The following TBL1X variants were observed in gnomAD, a reference collection of about 807,000 sequenced individuals.
TBL1X encodes the protein transducin beta like 1 X-linked, also known as F-box-like/WD repeat-containing protein TBL1X.
Under a neutral mutation model 50.7 loss-of-function variants are expected in TBL1X, and 10 were observed. The ratio of observed to expected loss-of-function variants is 0.20; its 90% CI spans 0.12 to 0.33. The LOEUF (loss-of-function observed/expected upper bound fraction) is 0.33, where lower values mean the gene tolerates loss of function less well. Ranked by LOEUF, TBL1X falls within the 10% of genes least tolerant of loss-of-function variation. The probability of loss-of-function intolerance (pLI) is 1.00; values close to 1 mark genes in which losing one functional copy is unlikely to be tolerated. For synonymous variants in TBL1X, 190 were observed against 214.7 expected, an observed-to-expected ratio of 0.88 and a Z score of 1.01; for missense variants, 340 against 504.4, an observed-to-expected ratio of 0.67 and a Z score of 3.12.
chrX:9,705,191 TA>T (rs1264488142), intron 13 of TBL1X, 77 bp downstream of exon 13: 17 of 1,186,048 alleles, frequency 1.4e-5, no homozygotes, highest in Non-Finnish European at 1.9e-5. Context: ...TGCCTAGAAT[TA>T]AAAGCTACTG....
intron 5 of TBL1X, among the ~76,000 whole-genome samples, chrX:9,661,979 C>T (rs1274462833): frequency 8.1e-5 from 9 of 111,604 alleles, no homozygotes. Flanking sequence ...GCCAACCAGT[C>T]TGGATTCAAG....
At chrX:9,643,083 G>T (rs747538869) in intron 3 of TBL1X, among the ~76,000 whole-genome samples, 1 of 111,991 alleles carries the variant, frequency 8.9e-6, no homozygotes, top group East Asian at 2.8e-4. Flanking sequence ...GAATTTGAGG[G>T]CCTTTCTGCC....
intron 1 of TBL1X, among the ~76,000 whole-genome samples, chrX:9,493,415 A>G (rs1406766148): frequency 9.0e-6 from 1 of 111,717 alleles, no homozygotes; most frequent in Non-Finnish European, 1.9e-5. Context: ...GGGGTTATGT[A>G]AGCCCAATTT....
At chrX:9,690,483 G>C (rs1268544588) in intron 7 of TBL1X, among the ~76,000 whole-genome samples, 1 of 111,265 alleles carries the variant, frequency 9.0e-6, no homozygotes, top group Non-Finnish European at 1.9e-5. Flanking sequence ...AAGGACACCA[G>C]TCCCACTGGG....
At chrX:9,695,188 A>G (rs1206320214) in intron 11 of TBL1X, among the ~76,000 whole-genome samples, 2 of 110,469 alleles carry the variant, frequency 1.8e-5, no homozygotes, top group African/African-American at 3.3e-5. Flanking sequence ...CTTTCATGCT[A>G]CAATGGCAGA....
intron 2 of TBL1X, among the ~76,000 whole-genome samples, chrX:9,537,208 G>A (rs1025895116): frequency 3.7e-4 from 41 of 111,291 alleles, no homozygotes; most frequent in African/African-American, 1.3e-3. Context: ...AGTGATCTAC[G>A]TGCATTAGCA....
chrX:9,715,870 T>C (rs1277908552), intron 17 of TBL1X, among the ~76,000 whole-genome samples: 1 of 111,903 alleles, frequency 8.9e-6, no homozygotes, highest in Non-Finnish European at 1.9e-5. Flanking sequence ...AGGGTCAGAG[T>C]AGTCCCCAAA....
intron 2 of TBL1X, among the ~76,000 whole-genome samples, chrX:9,608,204 C>T (rs35465421): frequency 0.043 from 4,729 of 110,833 alleles, 97 homozygotes; most frequent in Non-Finnish European, 0.065. Context: ...CCCTTCTCAC[C>T]ACATCATATC....
At chrX:9,634,241 C>T (rs930217088) in intron 2 of TBL1X, among the ~76,000 whole-genome samples, 1 of 110,599 alleles carries the variant, frequency 9.0e-6, no homozygotes, top group Non-Finnish European at 1.9e-5. Context: ...ATTCACACCC[C>T]AGCTCCACCA....
intron 2 of TBL1X, among the ~76,000 whole-genome samples, chrX:9,588,382 A>C (rs979262042): frequency 9.0e-6 from 1 of 111,613 alleles, no homozygotes; most frequent in African/African-American, 3.3e-5. Flanking sequence ...GTTTCCATTC[A>C]TTTTTTGGCT....
chrX:9,653,001 CAAA>C (rs2082844872), intron 3 of TBL1X, among the ~76,000 whole-genome samples: 1 of 110,843 alleles, frequency 9.0e-6, no homozygotes, highest in East Asian at 2.9e-4. Flanking sequence ...CCCGTCTCTA[CAAA>C]AAATACAAAA....
At chrX:9,624,259 G>A (rs769489783) in intron 2 of TBL1X, among the ~76,000 whole-genome samples, 1 of 112,347 alleles carries the variant, frequency 8.9e-6, no homozygotes, top group Non-Finnish European at 1.9e-5. Context: ...GCAAAGAGCT[G>A]TTCTCTGCAG....
chrX:9,711,456 G>C (rs193061560), intron 15 of TBL1X, among the ~76,000 whole-genome samples, 155 bp from the exon 16 acceptor site: 2 of 111,693 alleles, frequency 1.8e-5, no homozygotes, highest in Admixed American at 1.9e-4. Flanking sequence ...ATACTTGTAA[G>C]TAGTTACAGT....
At chrX:9,507,011 T>C (rs1356722750) in intron 2 of TBL1X, among the ~76,000 whole-genome samples, 1 of 112,118 alleles carries the variant, frequency 8.9e-6, no homozygotes, top group Non-Finnish European at 1.9e-5. Context: ...GCTGGAAGCA[T>C]TCCCTTTGAA....
At position 9,688,129 on chromosome X, in the gene TBL1X, A is replaced by G. The variant is rs975940710; in HGVS notation, c.470A>G (p.Gln157Arg). ...QQAFREKLAQ[Q>R]QASAAAAAAA... ...GCATTCCGAGAGAAGCTCGCTCAGCAGCAAGCCAGTGCGGCGGCGGCGGCG... is the reference window on the plus strand; with the variant it reads ...GCATTCCGAGAGAAGCTCGCTCAGCGGCAAGCCAGTGCGGCGGCGGCGGCG... The change falls in exon 7 of 18, where the codon CAG becomes CGG. Residue 157 changes from glutamine to arginine, a missense_variant. Transcript: ENST00000645353. 7.5e-6 allele frequency: 9 copies of G among 1,206,958 alleles called. No homozygotes were observed. The highest frequency in any genetic ancestry group is 1.7e-5 in the African/African-American group (1 of 57,264).
intron 2 of TBL1X, among the ~76,000 whole-genome samples, chrX:9,568,188 C>T (rs1215112323): frequency 1.8e-5 from 2 of 111,821 alleles, no homozygotes; most frequent in Non-Finnish European, 3.8e-5. Context: ...ATCTTCTTGT[C>T]CTCTTTTCGT....
chrX:9,635,566 C>G (rs1468674791), intron 2 of TBL1X, among the ~76,000 whole-genome samples: 1 of 112,095 alleles, frequency 8.9e-6, no homozygotes, highest in Admixed American at 9.4e-5. Context: ...CGGCCCTGCA[C>G]ACAGCATGAG....
At chrX:9,594,577 C>T (rs1166222149) in intron 2 of TBL1X, among the ~76,000 whole-genome samples, 4 of 112,025 alleles carry the variant, frequency 3.6e-5, no homozygotes, top group African/African-American at 1.3e-4. Context: ...AGGTGTCTTT[C>T]TTGCCCAGAT....
intron 2 of TBL1X, among the ~76,000 whole-genome samples, chrX:9,542,920 G>T (rs1361599031): frequency 8.9e-6 from 1 of 112,106 alleles, no homozygotes; most frequent in Non-Finnish European, 1.9e-5. Flanking sequence ...AATTGGCCTC[G>T]CAGTGGGGAG....
Sources: gnomAD v4.1 joint callset for allele counts (sites outside exome capture counted in the v4.1 genomes callset) on GRCh38, gnomAD v4.1.1 for gene constraint, MANE v1.5 for transcripts, NCBI Gene and HGNC (gene_info 2026-07-23, HGNC 2026-07-21) for gene names.